The following SBF1 variants were observed in gnomAD, a reference collection of about 807,000 sequenced individuals.
SBF1 encodes the protein myotubularin-related protein 5.
A neutral mutation model predicts 215.8 loss-of-function variants in SBF1; 65 were observed. The observed-to-expected ratio is 0.30, with a 90% CI of 0.25 to 0.37. SBF1 has a LOEUF of 0.37. Among genes scored for constraint, SBF1 ranks in the 10% least tolerant of loss-of-function variants. The probability of loss-of-function intolerance (pLI) is 1.00; values close to 1 mark genes in which losing one functional copy is unlikely to be tolerated. For synonymous variants in SBF1, 1,410 were observed against 1,122.8 expected (o/e 1.26, Z -5.11); for missense variants, 2,634 against 2,667.8 (o/e 0.99, Z 0.28).
chr22:50,461,225 G>T lies in SBF1; in HGVS notation c.2901C>A (p.Ile967=). 1.2e-6 allele frequency: 2 copies of T among 1,613,194 alleles called. No individual in the cohort carries two copies. Among genetic ancestry groups the T allele is most frequent in the Non-Finnish European group, 1.7e-6 (2 of 1,179,690 alleles). ...PVAALTKEKR[I]SVQTPVDQLL... ...GCTGGTCCACAGGGGTCTGGACGCT[G>T]ATGCGCTTCTCCTTGGTCAGCGCAG... The change falls in exon 23 of 41, where the codon ATC becomes ATA. Residue 967 remains isoleucine, a synonymous_variant. Transcript: ENST00000380817.
intron 23 of SBF1, 131 bp downstream of exon 23, chr22:50,461,028 C>T (rs192396880): frequency 6.0e-5 from 75 of 1,242,254 alleles, no homozygotes; most frequent in Non-Finnish European, 7.8e-5. Context: ...AGTGAGGGCC[C>T]CAGACATGCA....
rs1569514127 is a variant in SBF1 at position 50,467,677 on chromosome 22, A to AG, written c.292_293insC (p.Val98AlafsTer13). On this transcript the variant is annotated frameshift_variant, in exon 4 of 41. Transcript: ENST00000380817. LOFTEE classifies it high-confidence loss of function. ...TTCCTCCCTCTCTGTGGCATCCTCC[A>AG]CGCGCGTCGTTTCCTGCTGGGGGTC... The AG allele has an allele frequency of 6.9e-7, 1 of 1,441,878 alleles. No homozygotes were observed. Among genetic ancestry groups the AG allele is most frequent in the Non-Finnish European group, 9.4e-7 (1 of 1,068,410 alleles). 89.3% of individuals were successfully genotyped at this position (1,441,878 alleles called of 1,614,324 possible). A position where few individuals can be genotyped will look rare whatever the true frequency, so the allele number is the denominator to read the frequency against.
In SBF1 at chr22:50,461,965, G is replaced by GCC; in HGVS notation, c.2549_2550dup (p.Leu851GlyfsTer112). 6.2e-7 allele frequency: 1 copy of GCC among 1,614,178 alleles called. No individual in the cohort carries two copies. The highest frequency in any genetic ancestry group is 8.5e-7 in the Non-Finnish European group (1 of 1,180,002). ...CCCGTACCTGGCACCATGACATGCAGCCCCTTGAGGTGGTCGCTGGTGACC... is the reference window on the plus strand; with the variant it reads ...CCCGTACCTGGCACCATGACATGCAGCCCCCCTTGAGGTGGTCGCTGGTGACC... On this transcript the variant is annotated frameshift_variant, in exon 20 of 41. Coordinates refer to ENST00000380817, the MANE Select transcript of SBF1 (RefSeq NM_002972.4). LOFTEE classifies it high-confidence loss of function.
Position 50,461,841 on chromosome 22 carries a change from C to T in SBF1, c.2598G>A (p.Leu866=), listed in dbSNP as rs367817406. The T allele has an allele frequency of 7.4e-6, 12 of 1,613,748 alleles. No individual in the cohort carries two copies. The African/African-American group carries it at 1.2e-4, about 16-fold the overall frequency. The change falls in exon 21 of 41, where the codon CTG becomes CTA. Residue 866 remains leucine (L), a synonymous_variant. Transcript: ENST00000380817. ...PDIVQMHIET[L]EAVQRESRRL... ...TCCGGCTCTCCCGCTGCACGGCCTC[C>T]AGGGTCTCGATGTGCATCTGGACAA...
chr22:50,465,400 C>A, intron 10 of SBF1, 72 bp from the exon 11 acceptor site: 1 of 1,357,752 alleles, frequency 7.4e-7, no homozygotes, highest in Non-Finnish European at 1.0e-6. Flanking sequence ...AGGAGCTTCT[C>A]CACACCCCAA....
In SBF1 at chr22:50,459,623, C is replaced by T. The variant is rs1354830380; in HGVS notation, c.3535G>A (p.Ala1179Thr). Reference protein sequence around the residue: ...LIVPQSVQDNALQRVSRCYRQ... With the variant: ...LIVPQSVQDNTLQRVSRCYRQ... Reference sequence around the variant, plus strand: ...TAGCAGCGGGACACGCGCTGCAGGGCGTTGTCCTGGACACTCTGGGGCACG... The same window carrying T: ...TAGCAGCGGGACACGCGCTGCAGGGTGTTGTCCTGGACACTCTGGGGCACG... Residue 1179 changes from alanine (A) to threonine (T), a missense_variant, in exon 27 of 41, where the codon GCC becomes ACC. Physicochemically the swap from Ala to Thr is moderately conservative, Grantham distance 58. Transcript: ENST00000380817. 6.2e-6 allele frequency: 10 copies of T among 1,609,514 alleles called. No homozygotes were observed. The highest frequency in any genetic ancestry group is 2.2e-5 in the East Asian group (1 of 44,860).
At chr22:50,468,724 C>T (rs777761282) in intron 1 of SBF1, among the ~76,000 whole-genome samples, 1 of 152,144 alleles carries the variant, frequency 6.6e-6, no homozygotes, top group Non-Finnish European at 1.5e-5. Flanking sequence ...ACCAGCCCAG[C>T]TTCACACAGC....
At chr22:50,456,435 C>T (rs957645634) in intron 30 of SBF1, 40 bp from the exon 31 acceptor site, 4 of 1,597,640 alleles carry the variant, frequency 2.5e-6, no homozygotes, top group Non-Finnish European at 3.4e-6. Flanking sequence ...ACACATGAGG[C>T]CCCAAGCCCC....
rs1278263400 is a variant in SBF1, at chr22:50,459,559, C to G, written c.3599G>C (p.Gly1200Ala). 3.7e-6 allele frequency: 6 copies of G among 1,609,022 alleles called. No individual in the cohort carries two copies. Among genetic ancestry groups the G allele is most frequent in the Non-Finnish European group, 5.1e-6 (6 of 1,179,094 alleles). Residue 1200 changes from glycine (G) to alanine (A), a missense_variant, in exon 27 of 41, where the codon GGG becomes GCG. Transcript: ENST00000380817. ...NRFPVVCWRS[G>A]RSKAVLLRSG... ...GCGCAGCAGCACCGCCTTGGACCGCCCGCTGCGCCAGCAGACCACGGGGAA... is the reference window on the plus strand; with the variant it reads ...GCGCAGCAGCACCGCCTTGGACCGCGCGCTGCGCCAGCAGACCACGGGGAA...
intron 1 of SBF1, among the ~76,000 whole-genome samples, chr22:50,473,593 A>G (rs1251297593): frequency 6.6e-6 from 1 of 151,544 alleles, no homozygotes; most frequent in Non-Finnish European, 1.5e-5. Flanking sequence ...GCTGGAGACG[A>G]AGAAGATGCT....
Position 50,460,049 on chromosome 22 carries a change from G to C in SBF1, c.3394C>G (p.Arg1132Gly). Residue 1132 changes from arginine to glycine, a missense_variant, in exon 26 of 41, where the codon CGC becomes GGC. Physicochemically the swap from Arg to Gly is moderately radical, Grantham distance 125. Transcript: ENST00000380817. ...CTGCTCAGGGTGCCCAGACCGAGGC[G>C]CTGGTAGTCGCGACAGCAAGCCCTT... The part of the protein sequence containing the change: ...VERACCRDYQ[R>G]LGLGTLSSSL... 6.2e-7 allele frequency: 1 copy of C among 1,613,992 alleles called. No homozygotes were observed. The highest frequency in any genetic ancestry group is 8.5e-7 in the Non-Finnish European group (1 of 1,179,968).
Position 50,474,770 on chromosome 22 carries a change from T to C in SBF1, c.55+16A>G. 2.1e-6 allele frequency: 3 copies of C among 1,460,936 alleles called. No homozygotes were observed. The highest frequency in any genetic ancestry group is 2.3e-5 in the Admixed American group (1 of 43,086). 90.5% of individuals were successfully genotyped at this position (1,460,936 alleles called of 1,614,324 possible). ...CCCTCGGCCCCCGGCCCTCAGCGCT[T>C]GGCCTCGGCACTCACCGCGCGGGTG... On this transcript the variant is annotated intron_variant, in intron 1 of 40. Transcript: ENST00000380817.
At chr22:50,473,916 C>T (rs1180996987) in intron 1 of SBF1, among the ~76,000 whole-genome samples, 2 of 152,246 alleles carry the variant, frequency 1.3e-5, no homozygotes, top group Admixed American at 6.5e-5. Context: ...ACCAGGGCAA[C>T]CCCGGTGGGC....
intron 36 of SBF1, among the ~76,000 whole-genome samples, chr22:50,451,079 C>T (rs1353450449): frequency 6.8e-6 from 1 of 146,052 alleles, no homozygotes; most frequent in East Asian, 2.0e-4. Flanking sequence ...CCTGTAATCC[C>T]AGCACTTTAG....
chr22:50,474,617 C>T (rs1175428101), intron 1 of SBF1, among the ~76,000 whole-genome samples, 169 bp downstream of exon 1: 1 of 149,026 alleles, frequency 6.7e-6, no homozygotes, highest in African/African-American at 2.5e-5. Flanking sequence ...CCCTCAGCGC[C>T]CAGCCCCCGG....
rs1369973183 is a variant in SBF1, at chr22:50,461,108, G to A, written c.2967+51C>T. 10 of 1,541,682 alleles carry A rather than the reference G, an allele frequency of 6.5e-6. 1 individual carries two copies. In the African/African-American group the frequency reaches 6.9e-5, roughly 11 times the overall value. On this transcript the variant is annotated intron_variant, in intron 23 of 40. Coordinates refer to ENST00000380817, the MANE Select transcript of SBF1 (RefSeq NM_002972.4). ...TCATACAAGAAAGACCGGTTTGCAG[G>A]AGAAAGACCAGGGCGGGGGATGAGA...
chr22:50,459,863 G>T, intron 26 of SBF1, 89 bp downstream of exon 26: 4 of 1,484,642 alleles, frequency 2.7e-6, no homozygotes, highest in South Asian at 2.3e-5. Flanking sequence ...TTCCTTACAT[G>T]ACCAGAAGCC....
Position 50,462,050 on chromosome 22 carries a change from T to C in SBF1, c.2466A>G (p.Val822=). ...SGFEDAETCD[V]AGAVVRFINR... is the part of the protein sequence containing the mutation. ...TGATGAAGCGGACCACAGCCCCAGC[T>C]ACGTCGCAGGTCTCTGCATCCTCGA... Residue 822 remains valine (V), a synonymous_variant, in exon 20 of 41, where the codon GTA becomes GTG. Transcript: ENST00000380817. 1.2e-6 allele frequency: 2 copies of C among 1,614,194 alleles called. No homozygotes were observed.
At position 50,455,238 on chromosome 22, in the gene SBF1, CCAGGAACTG is replaced by C; in HGVS notation, c.4531_4539del (p.Gln1511_Leu1513del). 1 of 1,613,042 alleles carries C rather than the reference CCAGGAACTG, an allele frequency of 6.2e-7. No individual in the cohort carries two copies. The highest frequency in any genetic ancestry group is 8.5e-7 in the Non-Finnish European group (1 of 1,179,628). ...GGCCTGCCCACCTGGTGTACGCAGT[CCAGGAACTG>C]CAGGAAGACGGGTGTGAAGCCGCTG... On this transcript the variant is annotated inframe_deletion, in exon 33 of 41. Coordinates refer to ENST00000380817, the MANE Select transcript of SBF1 (RefSeq NM_002972.4).
Sources: allele counts gnomAD v4.1 joint callset (sites outside exome capture counted in the v4.1 genomes callset), GRCh38; gene constraint gnomAD v4.1.1; transcripts MANE v1.5; gene names NCBI Gene and HGNC (gene_info 2026-07-23, HGNC 2026-07-21).